Variants in NCOR1 observed in about 807,000 individuals in gnomAD.
NCOR1 encodes the protein protein phosphatase 1, regulatory subunit 109.
Under a neutral mutation model 288.1 loss-of-function variants are expected in NCOR1, and 63 were observed. The observed-to-expected ratio is 0.22, with a 90% CI of 0.18 to 0.27. The LOEUF is 0.27. NCOR1 is among the 10% of genes least tolerant of loss of function. The pLI is 1.00. For missense variants in NCOR1, 2,397 were observed against 3,019.2 expected, an observed-to-expected ratio of 0.79 and a Z score of 4.83; for synonymous variants, 1,007 against 1,065.9, an observed-to-expected ratio of 0.94 and a Z score of 1.08.
chr17:16,115,389 T>G (rs2071378320), intron 18 of NCOR1, among the ~76,000 whole-genome samples: 1 of 152,234 alleles, frequency 6.6e-6, no homozygotes, highest in South Asian at 2.1e-4. Flanking sequence ...CTTATGCAAA[T>G]TCCTGCAGCA....
intron 18 of NCOR1, among the ~76,000 whole-genome samples, chr17:16,110,990 T>C (rs2070008330): frequency 6.6e-6 from 1 of 152,224 alleles, no homozygotes; most frequent in African/African-American, 2.4e-5. Flanking sequence ...TGTTTTTGAA[T>C]ATGAGGTGTT....
intron 3 of NCOR1, among the ~76,000 whole-genome samples, chr17:16,182,636 A>G (rs2085726952): frequency 6.6e-6 from 1 of 152,052 alleles, no homozygotes; most frequent in Admixed American, 6.6e-5. Flanking sequence ...TTGTATTTTT[A>G]GTAGATGAGG....
At chr17:16,040,332 A>G (rs2057328181) in intron 43 of NCOR1, 109 bp downstream of exon 43, 2 of 896,376 alleles carry the variant, frequency 2.2e-6, no homozygotes, top group Non-Finnish European at 3.7e-6. Flanking sequence ...ATTTTTCCAT[A>G]TTAGAGCAGT....
rs1249285242 is a variant in NCOR1 at position 16,064,880 on chromosome 17, G to A, written c.5091C>T (p.Ser1697=). 3 of 1,610,420 alleles carry A rather than the reference G, an allele frequency of 1.9e-6. No individual in the cohort carries two copies. The highest frequency in any genetic ancestry group is 4.5e-5 in the East Asian group (2 of 44,802). Reference sequence around the variant, plus strand: ...ACTGTACAATCTCACCTGGAGACATGGAAGCAGAGTTGTACGGCCTGGGAG... The same window carrying A: ...ACTGTACAATCTCACCTGGAGACATAGAAGCAGAGTTGTACGGCCTGGGAG... The part of the protein sequence containing the change: ...TFPPRPYNSA[S]MSPGHPTHLA... Residue 1697 remains serine, a synonymous_variant, in exon 34 of 46, where the codon TCC becomes TCT. Coordinates refer to ENST00000268712, the MANE Select transcript of NCOR1 (RefSeq NM_006311.4).
At chr17:16,104,883 C>G (rs1176332060) in intron 19 of NCOR1, among the ~76,000 whole-genome samples, 1 of 152,120 alleles carries the variant, frequency 6.6e-6, no homozygotes, top group Non-Finnish European at 1.5e-5. Context: ...GATATCTGAA[C>G]AGAGGACTCA....
intron 1 of NCOR1, among the ~76,000 whole-genome samples, chr17:16,212,881 A>G (rs1252401467): frequency 6.6e-6 from 1 of 151,896 alleles, no homozygotes; most frequent in African/African-American, 2.4e-5. Context: ...AGACCAGCCT[A>G]GACAACATGG....
At chr17:16,084,473 T>A (rs1055184134) in intron 23 of NCOR1, 4 of 152,426 alleles carry the variant, frequency 2.6e-5, no homozygotes, top group African/African-American at 9.7e-5. Context: ...ATAAGCTGAT[T>A]ATATAATTTA....
intron 2 of NCOR1, among the ~76,000 whole-genome samples, chr17:16,190,975 C>T (rs929384759): frequency 1.3e-5 from 2 of 152,264 alleles, no homozygotes; most frequent in East Asian, 1.9e-4. Flanking sequence ...CAATCACAGT[C>T]GTTGAAGAAG....
chr17:16,214,066 AAAAG>A (rs2092364074), intron 1 of NCOR1, among the ~76,000 whole-genome samples: 1 of 152,196 alleles, frequency 6.6e-6, no homozygotes, highest in South Asian at 2.1e-4. Context: ...TGTTAACAGA[AAAAG>A]AAAAAAAGAT....
At chr17:16,151,590 T>C (rs1599495427) in intron 8 of NCOR1, 1 of 1,330,930 alleles carries the variant, frequency 7.5e-7, no homozygotes, top group East Asian at 4.9e-5. Flanking sequence ...ATTATCTTAC[T>C]TCATCATGCG....
chr17:16,101,676 G>C lies in NCOR1; in HGVS notation c.2264C>G (p.Pro755Arg), dbSNP rs749500509. The C allele has an allele frequency of 6.2e-7, 1 of 1,614,162 alleles. No homozygotes were observed. The highest frequency in any genetic ancestry group is 8.5e-7 in the Non-Finnish European group (1 of 1,180,044). Residue 755 changes from proline (P) to arginine (R), a missense_variant, in exon 20 of 46, where the codon CCC becomes CGC. Around this residue, in one of 11 missense-constraint regions of NCOR1, gnomAD observed 1,872 missense variants for 2,187.8 expected, o/e 0.86. Coordinates refer to ENST00000268712, the MANE Select transcript of NCOR1 (RefSeq NM_006311.4). The part of the protein sequence containing the change: ...GNTEPAVELE[P>R]TTETAPSTSP... ...TGTACTGGGTGCAGTTTCCGTGGTG[G>C]GCTCAAGCTCAACCGCAGGTTCTGT...
chr17:16,140,988 C>T (rs2077065450), intron 11 of NCOR1, among the ~76,000 whole-genome samples: 1 of 131,868 alleles, frequency 7.6e-6, no homozygotes, highest in South Asian at 2.4e-4. Flanking sequence ...AAGACCCTAT[C>T]TCCTATCTCA....
chr17:16,052,064 G>A (rs1025373284), intron 40 of NCOR1, among the ~76,000 whole-genome samples: 13 of 152,104 alleles, frequency 8.5e-5, no homozygotes, highest in Admixed American at 2.0e-4. Flanking sequence ...GCTGGAGTGC[G>A]GTGGCGCGAT....
intron 23 of NCOR1, among the ~76,000 whole-genome samples, chr17:16,083,493 G>A (rs2152839127): frequency 6.6e-6 from 1 of 151,800 alleles, no homozygotes; most frequent in South Asian, 2.1e-4. Flanking sequence ...TAGATTAGAA[G>A]ATTCGATGTA....
At chr17:16,052,070 G>A (rs1369878990) in intron 40 of NCOR1, among the ~76,000 whole-genome samples, 2 of 151,906 alleles carry the variant, frequency 1.3e-5, no homozygotes, top group African/African-American at 4.8e-5. Context: ...GTGCGGTGGC[G>A]CGATCTTGGC....
At chr17:16,144,783 G>A (rs116216309) in intron 10 of NCOR1, among the ~76,000 whole-genome samples, 1,647 of 148,942 alleles carry the variant, frequency 0.011, 36 homozygotes, top group African/African-American at 0.038. Context: ...CTCTCCTCCC[G>A]CTTTCCACGG....
rs146362761 is a variant in NCOR1, at chr17:16,078,559, C to G, written c.3501+1405G>C. On this transcript the variant is annotated intron_variant, in intron 26 of 45. Transcript: ENST00000268712. ...AGCTTGCTGTTAAAACAGAAACACA[C>G]TGACCCAATATAAATGGAGACTTTT... Among the ~76,000 whole-genome samples the G allele has an allele frequency of 8.1e-3, 1,199 of 148,816 alleles. 21 individuals carry two copies. The highest frequency in any genetic ancestry group is 0.028 in the African/African-American group (1,119 of 40,332).
rs553537172 is a variant in NCOR1 at position 16,200,044 on chromosome 17, T to C, written c.-70-5405A>G. Among the ~76,000 whole-genome samples the C allele has an allele frequency of 8.5e-5, 13 of 152,208 alleles. No individual in the cohort carries two copies. The East Asian group carries it at 1.2e-3, about 14-fold the overall frequency. On this transcript the variant is annotated intron_variant, in intron 1 of 45. Transcript: ENST00000268712. ...CACATATTTACTCAACAGGAAAATC[T>C]TGCAACAACAAAATTTCAAATACTA...
chr17:16,061,044 A>G (rs1315883102), intron 37 of NCOR1, among the ~76,000 whole-genome samples: 1 of 152,214 alleles, frequency 6.6e-6, no homozygotes, highest in African/African-American at 2.4e-5. Flanking sequence ...TATTGGCATA[A>G]ATATAGAACC....
Sources: gnomAD v4.1 joint callset for allele counts (sites outside exome capture counted in the v4.1 genomes callset) on GRCh38, gnomAD v4.1.1 for gene constraint, gnomAD v4.1.1 regional missense constraint, MANE v1.5 for transcripts, NCBI Gene and HGNC (gene_info 2026-07-23, HGNC 2026-07-21) for gene names.